Variants in LPA observed in about 807,000 individuals in gnomAD.
The protein encoded by LPA is apolipoprotein(a).
A neutral mutation model predicts 197.9 loss-of-function variants in LPA; 199 were observed. The ratio of observed to expected loss-of-function variants is 1.01; its 90% confidence interval spans 0.90 to 1.13. The LOEUF (loss-of-function observed/expected upper bound fraction) is 1.13. LPA is among the 50% of genes most tolerant of loss of function. LPA has a pLI of 0.00. For missense variants in LPA, 1,853 were observed against 1,785.8 expected (o/e 1.04, Z -0.68); for synonymous variants, 715 against 639.5 (o/e 1.12, Z -1.78).
chr6:160,553,397 C>T (rs1434232618), intron 30 of LPA, among the ~76,000 whole-genome samples: 4 of 151,908 alleles, frequency 2.6e-5, no homozygotes. Flanking sequence ...TGTTTTTTTG[C>T]TTGTTTCCTC....
intron 28 of LPA, among the ~76,000 whole-genome samples, chr6:160,574,668 C>T (rs1000577269): frequency 3.9e-5 from 6 of 152,200 alleles, no homozygotes; most frequent in African/African-American, 1.4e-4. Flanking sequence ...TGCAAACAGA[C>T]TTTCAGCTTC....
intron 36 of LPA, among the ~76,000 whole-genome samples, chr6:160,539,327 T>C (rs6919346): frequency 0.88 from 134,492 of 152,250 alleles, 59,753 homozygotes; most frequent in East Asian, 1. Flanking sequence ...CTTTAAGTGA[T>C]GTAAGCAAAG....
rs777453960 is a variant in LPA, at chr6:160,606,532, G to A, written c.2730C>T (p.Ala910=). Residue 910 remains alanine, a synonymous_variant, in exon 17 of 39, where the codon GCC becomes GCT. Coordinates refer to ENST00000316300, the MANE Select transcript of LPA (RefSeq NM_005577.4). The stretch of plus-strand genomic sequence containing the variant: ...TCGGGGTAATAGTTGGAGGCGCGAC[G>A]GCAGTCCCTTCTGCGTCTGAGCATT... The part of the protein sequence containing the change: ...LTQCSDAEGT[A]VAPPTITPIP... 1.1e-5 allele frequency: 18 copies of A among 1,613,524 alleles called. No individual in the cohort carries two copies. Among genetic ancestry groups the A allele is most frequent in the Admixed American group, 1.0e-4 (6 of 60,016 alleles).
At chr6:160,648,444 G>A (rs935351461) in intron 2 of LPA, among the ~76,000 whole-genome samples, 1 of 152,052 alleles carries the variant, frequency 6.6e-6, no homozygotes, top group African/African-American at 2.4e-5. Context: ...ATATATTTCT[G>A]TTCCAATCTC....
intron 26 of LPA, among the ~76,000 whole-genome samples, chr6:160,584,162 A>G (rs1463411326): frequency 1.4e-5 from 2 of 145,270 alleles, no homozygotes; most frequent in Non-Finnish European, 3.0e-5. Context: ...ATATGCACTC[A>G]TTTCTATTTT....
chr6:160,600,734 G>A (rs562839936), intron 19 of LPA, among the ~76,000 whole-genome samples, 183 bp downstream of exon 19: 1 of 152,124 alleles, frequency 6.6e-6, no homozygotes, highest in Non-Finnish European at 1.5e-5. Context: ...AGCTCGCACA[G>A]GTTGCACCAA....
intron 23 of LPA, 33 bp downstream of exon 23, chr6:160,590,911 A>G (rs1418273455): frequency 1.2e-6 from 2 of 1,613,542 alleles, no homozygotes; most frequent in Admixed American, 1.7e-5. Flanking sequence ...CCCAACGTCC[A>G]AGGGTGTGGT....
At chr6:160,590,667 AG>A (rs1245476843) in intron 23 of LPA, among the ~76,000 whole-genome samples, 1 of 152,178 alleles carries the variant, frequency 6.6e-6, no homozygotes, top group Non-Finnish European at 1.5e-5. Context: ...CATTTTCACT[AG>A]GACACTGAAA....
At chr6:160,574,413 G>A (rs1778617889) in intron 28 of LPA, among the ~76,000 whole-genome samples, 2 of 152,010 alleles carry the variant, frequency 1.3e-5, no homozygotes, top group South Asian at 4.2e-4. Flanking sequence ...CCAAGTTCTG[G>A]CCAGGAGGCT....
chr6:160,562,687 C>A (rs1396613680), intron 28 of LPA, among the ~76,000 whole-genome samples: 2 of 152,048 alleles, frequency 1.3e-5, no homozygotes, highest in Non-Finnish European at 2.9e-5. Flanking sequence ...GACTGTTAAT[C>A]CCTCTGGTCT....
chr6:160,596,985 G>T (rs1449890208), intron 20 of LPA, among the ~76,000 whole-genome samples: 2 of 150,008 alleles, frequency 1.3e-5, no homozygotes, highest in African/African-American at 4.8e-5. Context: ...TATTTGAGAA[G>T]CTGGCAAACT....
At chr6:160,611,443 T>A in intron 16 of LPA, 119 bp downstream of exon 16, 1 of 1,520,712 alleles carries the variant, frequency 6.6e-7, no homozygotes, top group South Asian at 1.1e-5. Flanking sequence ...TGAGACATTT[T>A]GCTACACCAT....
intron 28 of LPA, among the ~76,000 whole-genome samples, chr6:160,569,316 GAA>G (rs994600243): frequency 2.0e-5 from 3 of 150,098 alleles, no homozygotes; most frequent in African/African-American, 7.3e-5. Flanking sequence ...AGAGCCCTCA[GAA>G]ATAATACCAC....
intron 2 of LPA, among the ~76,000 whole-genome samples, chr6:160,649,641 G>A (rs888563644): frequency 1.4e-4 from 22 of 151,986 alleles, no homozygotes; most frequent in African/African-American, 5.1e-4. Context: ...CAATTCCCTT[G>A]GTCCTCTACC....
At chr6:160,611,431 C>G in intron 16 of LPA, 131 bp downstream of exon 16, 1 of 1,505,852 alleles carries the variant, frequency 6.6e-7, no homozygotes, top group South Asian at 1.1e-5. Flanking sequence ...AGGAAATCAT[C>G]CTGAGACATT....
At chr6:160,655,677 C>T (rs1237581261) in intron 1 of LPA, among the ~76,000 whole-genome samples, 4 of 152,142 alleles carry the variant, frequency 2.6e-5, no homozygotes, top group African/African-American at 7.2e-5. Context: ...GAAATTTTAC[C>T]GAGGTAGAAA....
Position 160,537,565 on chromosome 6 carries a change from C to T in LPA, c.5842+290G>A, listed in dbSNP as rs1777913255. ...AATTATGATTAAGAGACTCAAAGACCTCTACTGGTGTTTGTTTTTGTTGTA... is the reference window on the plus strand; with the variant it reads ...AATTATGATTAAGAGACTCAAAGACTTCTACTGGTGTTTGTTTTTGTTGTA... On this transcript the variant is annotated intron_variant, in intron 37 of 38. Transcript: ENST00000316300. Among the ~76,000 whole-genome samples, 3 of 152,216 alleles carry T rather than the reference C, an allele frequency of 2.0e-5. No homozygotes were observed. The South Asian group carries it at 6.2e-4, about 32-fold the overall frequency.
Position 160,537,762 on chromosome 6 carries a change from G to A in LPA, c.5842+93C>T, listed in dbSNP as rs1777916043. 3.4e-6 allele frequency: 4 copies of A among 1,191,244 alleles called. No individual in the cohort carries two copies. In the South Asian group the frequency reaches 3.9e-5, roughly 12 times the overall value. The allele number at this position is 1,191,244 out of a possible 1,614,324, so 73.8% of individuals were successfully genotyped here. ...AGTGGGTAGACCACATTCATGGGTAGGAATTTGTACAACTATCTCCAAAAT... is the reference window on the plus strand; with the variant it reads ...AGTGGGTAGACCACATTCATGGGTAAGAATTTGTACAACTATCTCCAAAAT... On this transcript the variant is annotated intron_variant, in intron 37 of 38. Transcript: ENST00000316300.
chr6:160,607,531 G>C (rs1779384202), intron 16 of LPA, among the ~76,000 whole-genome samples: 1 of 152,020 alleles, frequency 6.6e-6, no homozygotes, highest in African/African-American at 2.4e-5. Context: ...CACTGCATTA[G>C]GGGGCAAAGC....
Sources: allele counts gnomAD v4.1 joint callset (sites outside exome capture counted in the v4.1 genomes callset), GRCh38; gene constraint gnomAD v4.1.1; transcripts MANE v1.5; gene names NCBI Gene and HGNC (gene_info 2026-07-23, HGNC 2026-07-21).